The following GFM2 variants were observed in gnomAD, a reference collection of about 807,000 sequenced individuals.
The protein encoded by GFM2 is ribosome-releasing factor 2, mitochondrial.
In GFM2, 72 loss-of-function variants were observed where a neutral mutation model predicts 95.4. That is an observed-to-expected ratio of 0.76 (90% CI 0.62 to 0.92). The LOEUF (loss-of-function observed/expected upper bound fraction) is 0.92, where lower values mean the gene tolerates loss of function less well. Among genes scored for constraint, GFM2 ranks in the 40% least tolerant of loss-of-function variants. GFM2 has a pLI of 0.00. For synonymous variants in GFM2, 276 were observed against 317.5 expected, an observed-to-expected ratio of 0.87 and a Z score of 1.39; for missense variants, 825 against 924.1, an observed-to-expected ratio of 0.89 and a Z score of 1.39.
At chr5:74,763,603 T>C in intron 2 of GFM2, 77 bp downstream of exon 2, 2 of 747,102 alleles carry the variant, frequency 2.7e-6, no homozygotes, top group Non-Finnish European at 4.7e-6. Flanking sequence ...CAACAGCTGA[T>C]GAGATATACT....
chr5:74,737,308 A>C (rs1326957508), intron 14 of GFM2, among the ~76,000 whole-genome samples: 1 of 152,208 alleles, frequency 6.6e-6, no homozygotes, highest in Non-Finnish European at 1.5e-5. Flanking sequence ...GGAGAAGTCC[A>C]TTAGAGTGTT....
In GFM2 at chr5:74,721,639, CCAAAAACTAAAACATTTAGGT is replaced by C; in HGVS notation, c.2335_*15del. ...TAGCTAGGTGCTCCTGAATTTCTCT[CCAAAAACTAAAACATTTAGGT>C]CAAACCACTTCTCCGGTTGAGCAGT... On this transcript the variant is annotated stop_lost and 3_prime_UTR_variant, in exon 21 of 21. Coordinates refer to ENST00000296805, the MANE Select transcript of GFM2 (RefSeq NM_032380.5). The C allele has an allele frequency of 6.2e-7, 1 of 1,604,474 alleles. No homozygotes were observed. The highest frequency in any genetic ancestry group is 1.7e-5 in the Admixed American group (1 of 57,670).
At chr5:74,749,792 T>C (rs550010561) in intron 7 of GFM2, among the ~76,000 whole-genome samples, 1 of 152,326 alleles carries the variant, frequency 6.6e-6, no homozygotes, top group Non-Finnish European at 1.5e-5. Context: ...TGAACAGCTG[T>C]AGTTTTGATA....
intron 5 of GFM2, among the ~76,000 whole-genome samples, chr5:74,755,041 A>G (rs1743910804): frequency 6.6e-6 from 1 of 152,170 alleles, no homozygotes. Flanking sequence ...GGTTGCAATG[A>G]GCCAAGATTG....
rs1202102223 is a variant in GFM2 at position 74,721,424 on chromosome 5, C to G, written c.*231G>C. 12 of 707,512 alleles carry G rather than the reference C, an allele frequency of 1.7e-5. No individual in the cohort carries two copies. Among genetic ancestry groups the G allele is most frequent in the Non-Finnish European group, 3.0e-5 (12 of 393,460 alleles). 43.8% of individuals were successfully genotyped at this position (707,512 alleles called of 1,614,324 possible). A position where few individuals can be genotyped will look rare whatever the true frequency, so the allele number is the denominator to read the frequency against. ...TTATAGTAATAACTTCATAGATGAA[C>G]AGCATGATTCAGGTACAGTGGCTTT... On this transcript the variant is annotated 3_prime_UTR_variant, in exon 21 of 21. Coordinates refer to ENST00000296805, the MANE Select transcript of GFM2 (RefSeq NM_032380.5).
At chr5:74,760,437 A>T (rs940389173) in intron 3 of GFM2, among the ~76,000 whole-genome samples, 1 of 152,164 alleles carries the variant, frequency 6.6e-6, no homozygotes, top group African/African-American at 2.4e-5. Context: ...GACATTCAAA[A>T]GTAAGTCAAC....
In GFM2 at chr5:74,738,563, G is replaced by T. The variant is rs866401948; in HGVS notation, c.1159C>A (p.Arg387Ser). 6.2e-7 allele frequency: 1 copy of T among 1,613,520 alleles called. No homozygotes were observed. Among genetic ancestry groups the T allele is most frequent in the Non-Finnish European group, 8.5e-7 (1 of 1,179,652 alleles). The change falls in exon 13 of 21, where the codon CGC becomes AGC. Residue 387 changes from arginine (R) to serine (S), a missense_variant. By Grantham distance (110) the Arg-to-Ser change is moderately radical. Coordinates refer to ENST00000296805, the MANE Select transcript of GFM2 (RefSeq NM_032380.5). ...DKQRGPLVFM[R>S]IYSGTIKPQL... ...GGTTTTATAGTGCCTGAGTAAATGC[G>T]CATAAAAACCAGTGGTCCTCGCTGC... is the stretch of plus-strand genomic sequence containing the variant.
intron 15 of GFM2, chr5:74,736,523 A>G: frequency 7.9e-7 from 1 of 1,273,880 alleles, no homozygotes; most frequent in Non-Finnish European, 9.9e-7. Context: ...GGCAGTTCTA[A>G]GGCCAATTAC....
chr5:74,744,329 C>T (rs1181049457), intron 10 of GFM2, among the ~76,000 whole-genome samples: 1 of 150,080 alleles, frequency 6.7e-6, no homozygotes, highest in Non-Finnish European at 1.5e-5. Context: ...CTGTTGTTGA[C>T]TAAAATGTCA....
chr5:74,764,788 T>TTG (rs1451392043), intron 1 of GFM2, among the ~76,000 whole-genome samples: 71 of 139,826 alleles, frequency 5.1e-4, no homozygotes, highest in African/African-American at 1.9e-3. Context: ...GTTTTTTTTT[T>TTG]TTTTTTTTTT....
chr5:74,765,175 C>A, intron 1 of GFM2: 1 of 1,056,526 alleles, frequency 9.5e-7, no homozygotes, highest in South Asian at 2.4e-5. Flanking sequence ...TTTTCCTCTT[C>A]TTTAACTCAG....
intron 3 of GFM2, among the ~76,000 whole-genome samples, chr5:74,760,088 TGTAAATTTAATTA>T (rs1744197802): frequency 1.3e-5 from 2 of 152,228 alleles, no homozygotes; most frequent in African/African-American, 4.8e-5. Context: ...CAGTTACATT[TGTAAATTTAATTA>T]AAGCCTTCCT....
intron 7 of GFM2, 115 bp from the exon 8 acceptor site, chr5:74,747,895 G>A (rs1251135453): frequency 1.0e-5 from 6 of 599,448 alleles, no homozygotes; most frequent in South Asian, 8.5e-5. Flanking sequence ...TATTCTAGCA[G>A]AGAATTAGTG....
At chr5:74,760,474 A>G (rs1237263672) in intron 3 of GFM2, among the ~76,000 whole-genome samples, 1 of 152,218 alleles carries the variant, frequency 6.6e-6, no homozygotes, top group Non-Finnish European at 1.5e-5. Context: ...TTCTGATGCC[A>G]TGTATCTAAC....
chr5:74,742,394 A>G (rs1743155482), intron 10 of GFM2, among the ~76,000 whole-genome samples: 1 of 152,168 alleles, frequency 6.6e-6, no homozygotes, highest in Non-Finnish European at 1.5e-5. Flanking sequence ...TCCACCACTT[A>G]CCCACTTGTT....
chr5:74,726,661 T>C (rs567241744), intron 17 of GFM2, among the ~76,000 whole-genome samples: 1 of 152,292 alleles, frequency 6.6e-6, no homozygotes, highest in East Asian at 1.9e-4. Flanking sequence ...CAGCATCTCT[T>C]ATTTGCTAAA....
Position 74,739,854 on chromosome 5 carries a change from T to C in GFM2, c.1079+135A>G. 8.4e-6 allele frequency: 5 copies of C among 592,920 alleles called. No individual in the cohort carries two copies. In the South Asian group the frequency reaches 1.9e-4, roughly 22 times the overall value. 36.7% of individuals were successfully genotyped at this position (592,920 alleles called of 1,614,324 possible). Reference sequence around the variant, plus strand: ...TCCTTTCAAGCAAAAATTACTATGATTCCTTATTACATCATTTGCAATAAC... The same window carrying C: ...TCCTTTCAAGCAAAAATTACTATGACTCCTTATTACATCATTTGCAATAAC... On this transcript the variant is annotated intron_variant, in intron 12 of 20. Coordinates refer to ENST00000296805, the MANE Select transcript of GFM2 (RefSeq NM_032380.5).
intron 16 of GFM2, among the ~76,000 whole-genome samples, chr5:74,731,065 G>A (rs565531961): frequency 2.7e-4 from 41 of 152,158 alleles, no homozygotes; most frequent in African/African-American, 8.7e-4. Context: ...CACCTGCCTC[G>A]GCCTCCCAAA....
At chr5:74,734,463 T>C (rs530009615) in intron 15 of GFM2, among the ~76,000 whole-genome samples, 1 of 152,092 alleles carries the variant, frequency 6.6e-6, no homozygotes, top group Non-Finnish European at 1.5e-5. Context: ...GCAACACTGG[T>C]AATGCCTGGA....
Sources: gnomAD v4.1 joint callset for allele counts (sites outside exome capture counted in the v4.1 genomes callset) on GRCh38, gnomAD v4.1.1 for gene constraint, MANE v1.5 for transcripts, NCBI Gene and HGNC (gene_info 2026-07-23, HGNC 2026-07-21) for gene names.